Variants in PCCA observed in about 807,000 individuals in gnomAD.
The protein encoded by PCCA is propionyl-CoA carboxylase subunit alpha, also known as propionyl-CoA carboxylase alpha chain, mitochondrial.
PCCA carries 74 observed loss-of-function variants against 101.3 expected under a neutral mutation model. That is an observed-to-expected ratio of 0.73 (90% CI 0.61 to 0.89). The LOEUF (loss-of-function observed/expected upper bound fraction) is 0.89. Ranked by LOEUF, PCCA falls within the 40% of genes least tolerant of loss-of-function variation. The pLI, the probability that PCCA is intolerant of heterozygous loss-of-function variation, is 0.00. For synonymous variants in PCCA, 294 were observed against 313.6 expected, an observed-to-expected ratio of 0.94 and a Z score of 0.66; for missense variants, 891 against 907.0, an observed-to-expected ratio of 0.98 and a Z score of 0.23.
intron 21 of PCCA, among the ~76,000 whole-genome samples, chr13:100,463,049 A>G (rs1420640453): frequency 6.6e-6 from 1 of 152,224 alleles, no homozygotes; most frequent in African/African-American, 2.4e-5. Context: ...AGCAGGTTGT[A>G]GAAACTGCAC....
intron 8 of PCCA, 52 bp downstream of exon 8, chr13:100,235,930 G>A (rs539694996): frequency 5.2e-5 from 59 of 1,135,132 alleles, no homozygotes; most frequent in Admixed American, 1.7e-4. Flanking sequence ...CAGCAGATAC[G>A]GTTGAGTCAA....
chr13:100,209,759 G>A (rs2059097197), intron 7 of PCCA, among the ~76,000 whole-genome samples: 1 of 151,836 alleles, frequency 6.6e-6, no homozygotes. Flanking sequence ...AGCCTCCCGA[G>A]TAGCTGGGAT....
intron 21 of PCCA, among the ~76,000 whole-genome samples, chr13:100,458,440 TACA>T: frequency 8.4e-6 from 1 of 118,838 alleles, no homozygotes; most frequent in East Asian, 2.6e-4. Context: ...CACACACACA[TACA>T]CACACACACA....
intron 16 of PCCA, among the ~76,000 whole-genome samples, chr13:100,329,750 A>G (rs2069264318): frequency 6.6e-6 from 1 of 152,170 alleles, no homozygotes; most frequent in Admixed American, 6.5e-5. Flanking sequence ...ACCAAGAAGA[A>G]GCTCCAAAGC....
intron 4 of PCCA, among the ~76,000 whole-genome samples, chr13:100,118,093 G>A (rs1248547146): frequency 6.7e-6 from 1 of 148,436 alleles, no homozygotes; most frequent in African/African-American, 2.5e-5. Flanking sequence ...TCCAGCCTGG[G>A]CGACAGAGCA....
At position 100,302,972 on chromosome 13, in the gene PCCA, T is replaced by C; in HGVS notation, c.1258T>C (p.Tyr420His). Residue 420 changes from tyrosine to histidine, a missense_variant, in exon 14 of 24, where the codon TAC becomes CAC. Coordinates refer to ENST00000376285, the MANE Select transcript of PCCA (RefSeq NM_000282.4). ...GLPSIGRLSQYQEPLHLPGVR... is the reference protein window; with the variant it reads ...GLPSIGRLSQHQEPLHLPGVR... ...ACCATCTATTGGGAGATTGTCTCAG[T>C]ACCAAGAACCGTTACATCTACCTGG... 1 of 1,604,560 alleles carries C rather than the reference T, an allele frequency of 6.2e-7. No individual in the cohort carries two copies. Among genetic ancestry groups the C allele is most frequent in the Non-Finnish European group, 8.5e-7 (1 of 1,171,362 alleles).
At chr13:100,225,651 A>T (rs2060103458) in intron 7 of PCCA, among the ~76,000 whole-genome samples, 1 of 152,220 alleles carries the variant, frequency 6.6e-6, no homozygotes, top group African/African-American at 2.4e-5. Flanking sequence ...ATTAAACATT[A>T]GTGTATTTGT....
intron 20 of PCCA, among the ~76,000 whole-genome samples, chr13:100,436,047 TAA>T (rs58957697): frequency 1.5e-5 from 2 of 137,052 alleles, no homozygotes; most frequent in Non-Finnish European, 3.2e-5. Flanking sequence ...CTGTCTCAAA[TAA>T]AAAAAAAAAG....
intron 4 of PCCA, among the ~76,000 whole-genome samples, chr13:100,146,520 A>G (rs1268118612): frequency 6.6e-6 from 1 of 151,556 alleles, no homozygotes; most frequent in Non-Finnish European, 1.5e-5. Context: ...GGTTGCAGTG[A>G]GCCAAGATCG....
intron 4 of PCCA, among the ~76,000 whole-genome samples, chr13:100,123,883 C>G (rs2049687105): frequency 6.6e-6 from 1 of 152,008 alleles, no homozygotes; most frequent in South Asian, 2.1e-4. Flanking sequence ...GATTGCTTGC[C>G]TCTAATTTAC....
intron 4 of PCCA, among the ~76,000 whole-genome samples, chr13:100,152,047 TAG>T (rs1238558127): frequency 1.3e-5 from 2 of 152,292 alleles, no homozygotes; most frequent in Admixed American, 6.5e-5. Flanking sequence ...AAAATTGAAA[TAG>T]AGTTTCAAAA....
At chr13:100,090,933 C>T (rs2046224694) in intron 1 of PCCA, among the ~76,000 whole-genome samples, 1 of 152,136 alleles carries the variant, frequency 6.6e-6, no homozygotes, top group African/African-American at 2.4e-5. Flanking sequence ...GGAGTGTTTT[C>T]CTTTGGAACT....
chr13:100,100,451 C>A (rs982890471), intron 1 of PCCA, among the ~76,000 whole-genome samples: 1 of 152,210 alleles, frequency 6.6e-6, no homozygotes, highest in African/African-American at 2.4e-5. Flanking sequence ...CTAGGAAATA[C>A]CTTACAAAGA....
At chr13:100,447,152 G>T (rs1213269038) in intron 20 of PCCA, among the ~76,000 whole-genome samples, 1 of 152,142 alleles carries the variant, frequency 6.6e-6, no homozygotes, top group East Asian at 1.9e-4. Context: ...TTGGGAGGTT[G>T]AGGGAGCGGG....
chr13:100,313,477 T>G (rs1420357543), intron 16 of PCCA, among the ~76,000 whole-genome samples: 1 of 152,128 alleles, frequency 6.6e-6, no homozygotes, highest in East Asian at 1.9e-4. Flanking sequence ...GCTGACTGGT[T>G]GGTTTGGGGA....
chr13:100,165,939 C>A (rs552040428), intron 6 of PCCA, among the ~76,000 whole-genome samples: 2 of 152,260 alleles, frequency 1.3e-5, no homozygotes, highest in Admixed American at 1.3e-4. Flanking sequence ...GTTCATTATT[C>A]ATTTACAGCT....
intron 17 of PCCA, among the ~76,000 whole-genome samples, chr13:100,334,253 C>G (rs539482811): frequency 1.2e-4 from 19 of 152,326 alleles, no homozygotes; most frequent in Non-Finnish European, 2.6e-4. Flanking sequence ...GTGTGCACAT[C>G]TTTATAAGCC....
chr13:100,350,115 T>C (rs1215281631), intron 18 of PCCA, among the ~76,000 whole-genome samples: 1 of 152,082 alleles, frequency 6.6e-6, no homozygotes, highest in Non-Finnish European at 1.5e-5. Flanking sequence ...GTGAGAAACA[T>C]AGAAAAAAGT....
chr13:100,493,590 C>T (rs997298530), intron 21 of PCCA, among the ~76,000 whole-genome samples: 4 of 152,326 alleles, frequency 2.6e-5, no homozygotes, highest in African/African-American at 9.6e-5. Flanking sequence ...CAAACCCCCA[C>T]AGAGTCTTGA....
Sources: gnomAD v4.1 joint callset for allele counts (sites outside exome capture counted in the v4.1 genomes callset) on GRCh38, gnomAD v4.1.1 for gene constraint, MANE v1.5 for transcripts, NCBI Gene and HGNC (gene_info 2026-07-23, HGNC 2026-07-21) for gene names.